The following CALN1 variants were observed in gnomAD, a reference collection of about 807,000 sequenced individuals.
The protein encoded by CALN1 is calneuron 1.
Under a neutral mutation model 30.6 loss-of-function variants are expected in CALN1, and 17 were observed. The observed-to-expected ratio is 0.56, with a 90% confidence interval of 0.38 to 0.83. The LOEUF (loss-of-function observed/expected upper bound fraction) is 0.83, where lower values mean the gene tolerates loss of function less well. Among genes scored for constraint, CALN1 ranks in the 40% least tolerant of loss-of-function variants. CALN1 has a pLI of 0.00. For missense variants in CALN1, 291 were observed against 354.9 expected, an observed-to-expected ratio of 0.82 and a Z score of 1.45; for synonymous variants, 156 against 131.4, an observed-to-expected ratio of 1.19 and a Z score of -1.28.
chr7:72,117,929 G>A (rs563326892), intron 3 of CALN1, among the ~76,000 whole-genome samples: 13 of 148,282 alleles, frequency 8.8e-5, no homozygotes, highest in South Asian at 2.1e-4. Flanking sequence ...CTGTACTCCA[G>A]CCTGGGCGAC....
intron 3 of CALN1, among the ~76,000 whole-genome samples, chr7:72,232,084 AAAG>A (rs1332433037): frequency 2.0e-5 from 3 of 152,176 alleles, no homozygotes; most frequent in African/African-American, 7.2e-5. Context: ...GAGAAGGGTC[AAAG>A]AAGACAAAAG....
intron 2 of CALN1, among the ~76,000 whole-genome samples, chr7:72,363,681 A>C (rs545456708): frequency 5.3e-5 from 8 of 151,998 alleles, no homozygotes; most frequent in African/African-American, 1.5e-4. Flanking sequence ...TGTAGTAGCT[A>C]AATGTCTGTA....
intron 5 of CALN1, among the ~76,000 whole-genome samples, chr7:71,939,391 C>T (rs148685270): frequency 8.5e-6 from 1 of 117,874 alleles, no homozygotes; most frequent in East Asian, 2.7e-4. Context: ...AACCCCACCT[C>T]TACTAAAAAT....
the CALN1 span, among the ~76,000 whole-genome samples, chr7:72,502,095 GATTT>G: frequency 1.1e-4 from 16 of 148,644 alleles, no homozygotes; most frequent in Non-Finnish European, 2.1e-4. Context: ...AGGGCCTCAA[GATTT>G]ATTTGAGTTA....
At chr7:72,230,798 T>C (rs1326094454) in intron 3 of CALN1, among the ~76,000 whole-genome samples, 1 of 152,212 alleles carries the variant, frequency 6.6e-6, no homozygotes, top group Non-Finnish European at 1.5e-5. Context: ...TTAGTGATAA[T>C]TGGTTACAGC....
intron 3 of CALN1, among the ~76,000 whole-genome samples, chr7:72,175,420 A>C (rs1300415675): frequency 6.6e-6 from 1 of 152,142 alleles, no homozygotes; most frequent in Non-Finnish European, 1.5e-5. Flanking sequence ...GTGGGGTAAG[A>C]AAGCATGCAA....
intron 2 of CALN1, among the ~76,000 whole-genome samples, chr7:72,340,569 C>T (rs898429671): frequency 2.0e-5 from 3 of 152,214 alleles, no homozygotes; most frequent in African/African-American, 4.8e-5. Flanking sequence ...GCCTTCCCTT[C>T]TCCTGCTGCA....
chr7:72,314,398 C>CATATATATACAT (rs765201771), intron 2 of CALN1, among the ~76,000 whole-genome samples: 25,528 of 119,208 alleles, frequency 0.21, 3,247 homozygotes, highest in East Asian at 0.39. Context: ...TATATATACA[C>CATATATATACAT]ATATATACAC....
At chr7:72,402,370 T>A (rs1353775305) in intron 2 of CALN1, among the ~76,000 whole-genome samples, 2 of 152,066 alleles carry the variant, frequency 1.3e-5, no homozygotes, top group African/African-American at 2.4e-5. Context: ...TTCCTTTTCT[T>A]CCCCACAAGC....
At chr7:72,196,109 TTTTTC>T (rs375281398) in intron 3 of CALN1, among the ~76,000 whole-genome samples, 639 of 151,978 alleles carry the variant, frequency 4.2e-3, no homozygotes, top group Non-Finnish European at 4.6e-3. Flanking sequence ...ATTAAGTTTC[TTTTTC>T]TTTTCTTTTT....
intron 5 of CALN1, among the ~76,000 whole-genome samples, chr7:71,947,934 CAAAAAAAAA>C: frequency 7.3e-6 from 1 of 137,798 alleles, no homozygotes; most frequent in East Asian, 2.2e-4. Context: ...GACTCCGTCT[CAAAAAAAAA>C]AAAAAGAAAG....
At chr7:72,437,512 C>G (rs991950153) in intron 1 of CALN1, among the ~76,000 whole-genome samples, 1 of 120,356 alleles carries the variant, frequency 8.3e-6, no homozygotes, top group African/African-American at 3.4e-5. Context: ...AGGTGAGAAA[C>G]CCAGTTGTGT....
At chr7:71,952,289 G>A (rs13238739) in intron 5 of CALN1, among the ~76,000 whole-genome samples, 30,280 of 152,044 alleles carry the variant, frequency 0.2, 3,223 homozygotes, top group East Asian at 0.47. Flanking sequence ...CCACCCTGAC[G>A]CCTCAACAGC....
chr7:72,474,663 C>T, the CALN1 span, among the ~76,000 whole-genome samples: 6 of 150,596 alleles, frequency 4.0e-5, no homozygotes, highest in East Asian at 3.9e-4. Flanking sequence ...CTAGCCTGGG[C>T]GACAAGAGCG....
At position 72,412,072 on chromosome 7, in the gene CALN1, T is replaced by A. The variant is rs904005811; in HGVS notation, c.-88A>T. The A allele has an allele frequency of 6.6e-6, 1 of 152,248 alleles. No homozygotes were observed. The highest frequency in any genetic ancestry group is 2.4e-5 in the African/African-American group (1 of 41,448). The allele number at this position is 152,248 out of a possible 1,614,324, so 9.4% of individuals were successfully genotyped here. A position where few individuals can be genotyped will look rare whatever the true frequency, so the allele number is the denominator to read the frequency against. On this transcript the variant is annotated 5_prime_UTR_variant, in exon 1 of 7. Transcript: ENST00000395275. ...TCTGTGCCCACCTGTGTGCGGAATT[T>A]ATTCCTTCTGCTGGGTTGTTGGTCT... is the stretch of plus-strand genomic sequence containing the variant.
At chr7:71,994,101 A>AT (rs1312522841) in intron 5 of CALN1, among the ~76,000 whole-genome samples, 1 of 152,314 alleles carries the variant, frequency 6.6e-6, no homozygotes, top group East Asian at 1.9e-4. Flanking sequence ...TACTATAAAA[A>AT]TTTTTAAGAA....
chr7:72,321,890 C>T (rs935207389), intron 2 of CALN1, among the ~76,000 whole-genome samples: 2 of 152,106 alleles, frequency 1.3e-5, no homozygotes, highest in African/African-American at 2.4e-5. Flanking sequence ...AAACAAATCA[C>T]CCTGGGTCCC....
At chr7:72,392,770 G>T (rs570485972) in intron 2 of CALN1, among the ~76,000 whole-genome samples, 2 of 151,838 alleles carry the variant, frequency 1.3e-5, no homozygotes, top group South Asian at 2.1e-4. Flanking sequence ...GAGGCCAGAA[G>T]AATTCAAGAC....
intron 5 of CALN1, among the ~76,000 whole-genome samples, chr7:71,962,840 C>T (rs534891745): frequency 6.6e-6 from 1 of 152,216 alleles, no homozygotes; most frequent in South Asian, 2.1e-4. Context: ...AGAAAAAAGA[C>T]AATCCCTGGT....
Sources: allele counts gnomAD v4.1 joint callset (sites outside exome capture counted in the v4.1 genomes callset), GRCh38; gene constraint gnomAD v4.1.1; transcripts MANE v1.5; gene names NCBI Gene and HGNC (gene_info 2026-07-23, HGNC 2026-07-21).